PRICKLE2: variants seen among roughly 807,000 people sequenced by gnomAD.
PRICKLE2 encodes prickle planar cell polarity protein 2.
Under a neutral mutation model 81.4 loss-of-function variants are expected in PRICKLE2, and 21 were observed. The ratio of observed to expected loss-of-function variants is 0.26; its 90% CI spans 0.18 to 0.37. The LOEUF is 0.37. Ranked by LOEUF, PRICKLE2 falls within the 10% of genes least tolerant of loss-of-function variation. The pLI is 1.00. For missense variants in PRICKLE2, 940 were observed against 1,109.0 expected, an observed-to-expected ratio of 0.85 and a Z score of 2.16; for synonymous variants, 456 against 421.5, an observed-to-expected ratio of 1.08 and a Z score of -1.00.
intron 7 of PRICKLE2, among the ~76,000 whole-genome samples, chr3:64,117,070 C>A (rs2076945547): frequency 6.6e-6 from 1 of 152,106 alleles, no homozygotes; most frequent in Non-Finnish European, 1.5e-5. Context: ...AAATGTGATG[C>A]CTCACATAAA....
chr3:64,198,781 T>C lies in PRICKLE2; in HGVS notation c.144+3A>G, dbSNP rs746978790. On this transcript the variant is annotated splice_donor_region_variant and intron_variant, in intron 2 of 7. Coordinates refer to ENST00000638394, the MANE Select transcript of PRICKLE2 (RefSeq NM_198859.4). ...ACCAGCATGCTCCCATCCAGAATGG[T>C]ACCTGTTCAGGCTTCAGACCCGGCG... 15 of 1,613,848 alleles carry C rather than the reference T, an allele frequency of 9.3e-6. No homozygotes were observed. The African/African-American group carries it at 1.9e-4, about 20-fold the overall frequency.
chr3:64,213,856 T>C lies in PRICKLE2; in HGVS notation c.-41+11054A>G, dbSNP rs904798596. 5.9e-5 allele frequency among the ~76,000 whole-genome samples: 9 copies of C among 152,178 alleles called. 1 individual carries two copies. The highest frequency in any genetic ancestry group is 6.3e-3 in the Middle Eastern group (2 of 316). Reference sequence around the variant, plus strand: ...CCAAGGCTCAACGAGTTTGTGGAACTTACCCAAAGCCCTTCACCAAACACC... The same window carrying C: ...CCAAGGCTCAACGAGTTTGTGGAACCTACCCAAAGCCCTTCACCAAACACC... On this transcript the variant is annotated intron_variant, in intron 1 of 7. Transcript: ENST00000638394.
At chr3:64,191,066 C>G (rs2078324185) in intron 2 of PRICKLE2, among the ~76,000 whole-genome samples, 1 of 152,268 alleles carries the variant, frequency 6.6e-6, no homozygotes, top group South Asian at 2.1e-4. Context: ...CTGGGACGAA[C>G]TTGTATCTTT....
intron 7 of PRICKLE2, among the ~76,000 whole-genome samples, chr3:64,110,611 G>A (rs2076828222): frequency 6.6e-6 from 1 of 152,182 alleles, no homozygotes; most frequent in African/African-American, 2.4e-5. Context: ...TGTTGGTGAT[G>A]ACTATGGGGA....
At chr3:64,236,002 T>A (rs1045105833) in intron 2 of PRICKLE2, among the ~76,000 whole-genome samples, 2 of 152,212 alleles carry the variant, frequency 1.3e-5, no homozygotes, top group East Asian at 1.9e-4. Flanking sequence ...TAAAATGCCA[T>A]AGACTCTCAC....
chr3:64,264,604 T>C (rs895036202), intron 2 of PRICKLE2, among the ~76,000 whole-genome samples: 1 of 152,170 alleles, frequency 6.6e-6, no homozygotes, highest in South Asian at 2.1e-4. Context: ...TTATCTAACA[T>C]CCAACTCAAC....
intron 1 of PRICKLE2, among the ~76,000 whole-genome samples, chr3:64,204,757 T>C (rs1430784993): frequency 6.6e-6 from 1 of 152,168 alleles, no homozygotes; most frequent in Non-Finnish European, 1.5e-5. Flanking sequence ...TGGCAAGACA[T>C]TTTTCTTTGT....
At chr3:64,235,687 C>A (rs1287311142) in intron 2 of PRICKLE2, among the ~76,000 whole-genome samples, 1 of 152,158 alleles carries the variant, frequency 6.6e-6, no homozygotes, top group Admixed American at 6.5e-5. Flanking sequence ...CAACAGTTAA[C>A]CTCCACTAAT....
rs971104952 is a variant in PRICKLE2 at position 64,098,962 on chromosome 3, C to A, written c.*89G>T. 21 of 1,540,746 alleles carry A rather than the reference C, an allele frequency of 1.4e-5. No homozygotes were observed. Among genetic ancestry groups the A allele is most frequent in the Middle Eastern group, 4.2e-4 (2 of 4,774 alleles). ...CCCTTTTCTCCCCCATAAGCCACCC[C>A]CAAAAGCGCTTTAACATTTAAAACA... On this transcript the variant is annotated 3_prime_UTR_variant, in exon 8 of 8. Transcript: ENST00000638394.
At chr3:64,117,809 T>C (rs773498719) in intron 7 of PRICKLE2, among the ~76,000 whole-genome samples, 2 of 152,180 alleles carry the variant, frequency 1.3e-5, no homozygotes, top group Admixed American at 1.3e-4. Context: ...GCTATTTCTA[T>C]TAAACTACCA....
intron 2 of PRICKLE2, among the ~76,000 whole-genome samples, chr3:64,164,158 C>T (rs1220751168): frequency 6.6e-6 from 1 of 151,940 alleles, no homozygotes; most frequent in East Asian, 1.9e-4. Flanking sequence ...GGGAGAACCA[C>T]CTGAGGGCGG....
chr3:64,211,713 T>G (rs536094597), intron 1 of PRICKLE2, among the ~76,000 whole-genome samples: 31 of 152,240 alleles, frequency 2.0e-4, no homozygotes, highest in African/African-American at 5.5e-4. Flanking sequence ...ACAAAGAAAG[T>G]GGTTGGTACT....
intron 2 of PRICKLE2, among the ~76,000 whole-genome samples, chr3:64,182,347 A>C (rs2078150261): frequency 6.6e-6 from 1 of 151,840 alleles, no homozygotes. Flanking sequence ...AGTAGCTGGG[A>C]GTGGTTGTGC....
chr3:64,219,790 C>A (rs547803309), intron 1 of PRICKLE2, among the ~76,000 whole-genome samples: 1 of 152,294 alleles, frequency 6.6e-6, no homozygotes, highest in African/African-American at 2.4e-5. Context: ...GAATGGTGGA[C>A]AGGATTTGGA....
intron 7 of PRICKLE2, among the ~76,000 whole-genome samples, chr3:64,105,299 T>A (rs2076737347): frequency 6.6e-6 from 1 of 152,178 alleles, no homozygotes; most frequent in Admixed American, 6.5e-5. Context: ...TCACCCTGAC[T>A]TATTAAGGTC....
At chr3:64,113,164 G>A (rs556604897) in intron 7 of PRICKLE2, among the ~76,000 whole-genome samples, 19 of 152,358 alleles carry the variant, frequency 1.2e-4, no homozygotes, top group African/African-American at 4.6e-4. Context: ...GCTTAGGGAA[G>A]TGTTGGGGCA....
At chr3:64,102,649 A>C (rs962339672) in intron 7 of PRICKLE2, 8 of 152,224 alleles carry the variant, frequency 5.3e-5, no homozygotes, top group African/African-American at 1.9e-4. Context: ...AATGTAATGC[A>C]CTTGAACCAT....
chr3:64,189,159 T>G (rs1362965872), intron 2 of PRICKLE2, among the ~76,000 whole-genome samples: 2 of 152,088 alleles, frequency 1.3e-5, no homozygotes, highest in Non-Finnish European at 2.9e-5. Context: ...ACCAGTAACA[T>G]GAGAGCCCCT....
upstream of PRICKLE2, among the ~76,000 whole-genome samples, chr3:64,226,674 C>T (rs775393650): frequency 2.6e-5 from 4 of 152,154 alleles, no homozygotes; most frequent in Non-Finnish European, 4.4e-5. Context: ...AAAAATTCAC[C>T]GAGGCATACT....
Sources: allele counts gnomAD v4.1 joint callset (sites outside exome capture counted in the v4.1 genomes callset), GRCh38; gene constraint gnomAD v4.1.1; transcripts MANE v1.5; gene names NCBI Gene and HGNC (gene_info 2026-07-23, HGNC 2026-07-21).